The following ATP2C2 variants were observed in gnomAD, a reference collection of about 807,000 sequenced individuals.
ATP2C2 encodes the protein calcium-transporting ATPase type 2C member 2.
ATP2C2 carries 171 observed loss-of-function variants against 110.8 expected under a neutral mutation model. The ratio of observed to expected loss-of-function variants is 1.54; its 90% CI spans 1.36 to 1.75. The LOEUF is 1.75. Ranked by LOEUF, ATP2C2 falls within the 40% of genes most tolerant of loss-of-function variation. The pLI is 0.00. For missense variants in ATP2C2, 1,963 were observed against 1,235.0 expected (o/e 1.59, Z -8.84); for synonymous variants, 804 against 508.4 (o/e 1.58, Z -7.82).
At chr16:84,383,855 T>C (rs910423098) in intron 1 of ATP2C2, among the ~76,000 whole-genome samples, 2 of 137,684 alleles carry the variant, frequency 1.5e-5, no homozygotes, top group African/African-American at 2.7e-5. Context: ...AGTAGCGCAA[T>C]CTCGGCTCAC....
chr16:84,416,110 G>A (rs896455939), intron 7 of ATP2C2, among the ~76,000 whole-genome samples: 7 of 152,198 alleles, frequency 4.6e-5, no homozygotes, highest in African/African-American at 1.7e-4. Flanking sequence ...GGAGGCGGAG[G>A]TTGCAGTGAG....
At chr16:84,428,640 G>A (rs1038080678) in intron 11 of ATP2C2, among the ~76,000 whole-genome samples, 2 of 152,074 alleles carry the variant, frequency 1.3e-5, no homozygotes, top group Non-Finnish European at 2.9e-5. Flanking sequence ...ACAAATGACA[G>A]ACACTTGGAA....
chr16:84,439,497 T>C lies in ATP2C2; in HGVS notation c.1182T>C (p.Leu394=), dbSNP rs911675471. 2.2e-5 allele frequency: 36 copies of C among 1,614,072 alleles called. No homozygotes were observed. Among genetic ancestry groups the C allele is most frequent in the Non-Finnish European group, 3.0e-5 (35 of 1,180,038 alleles). ...LTANEMTVTQ[L]VTSDGLRAEV... ...CCAATGAAATGACAGTGACCCAGCT[T>C]GTAACGTCAGATGGGCTTCGTGCCG... is the stretch of plus-strand genomic sequence containing the variant. Residue 394 remains leucine, a synonymous_variant, in exon 13 of 27, where the codon CTT becomes CTC. Coordinates refer to ENST00000262429, the MANE Select transcript of ATP2C2 (RefSeq NM_014861.4).
rs1041439673 is a variant in ATP2C2, at chr16:84,415,505, C to A, written c.538C>A (p.His180Asn). ...CAGCCTAAGAGAAGGAAAACTCCAGCACCTGCTTGCTCGAGAACTGGTTCC... is the reference window on the plus strand; with the variant it reads ...CAGCCTAAGAGAAGGAAAACTCCAGAACCTGCTTGCTCGAGAACTGGTTCC... Reference protein sequence around the residue: ...CNCLREGKLQHLLARELVPGD... With the variant: ...CNCLREGKLQNLLARELVPGD... Residue 180 changes from histidine (H) to asparagine (N), a missense_variant, in exon 7 of 27, where the codon CAC (histidine) becomes AAC (asparagine). By Grantham distance (68) the His-to-Asn change is moderately conservative. Transcript: ENST00000262429. 1 of 1,614,158 alleles carries A rather than the reference C, an allele frequency of 6.2e-7. No homozygotes were observed. Among genetic ancestry groups the A allele is most frequent in the African/African-American group, 1.3e-5 (1 of 75,044 alleles).
At chr16:84,376,047 G>C (rs1050321427) in intron 1 of ATP2C2, among the ~76,000 whole-genome samples, 1 of 152,144 alleles carries the variant, frequency 6.6e-6, no homozygotes, top group Admixed American at 6.5e-5. Context: ...GGCGGTGTAT[G>C]AGCGGTGCCA....
chr16:84,400,673 C>G (rs1597765197), intron 2 of ATP2C2, among the ~76,000 whole-genome samples: 1 of 152,292 alleles, frequency 6.6e-6, no homozygotes, highest in East Asian at 1.9e-4. Flanking sequence ...ACCAGTCATA[C>G]TAATTTACAT....
At chr16:84,402,677 T>G (rs1905410889) in intron 2 of ATP2C2, among the ~76,000 whole-genome samples, 1 of 152,222 alleles carries the variant, frequency 6.6e-6, no homozygotes, top group Admixed American at 6.5e-5. Context: ...TTTAATGTGT[T>G]ATTGCATTCA....
At chr16:84,438,399 G>C (rs1908934404) in intron 11 of ATP2C2, among the ~76,000 whole-genome samples, 1 of 152,192 alleles carries the variant, frequency 6.6e-6, no homozygotes, top group Admixed American at 6.5e-5. Flanking sequence ...ATGTTGTGGA[G>C]TCTCAGCCAA....
intron 3 of ATP2C2, among the ~76,000 whole-genome samples, chr16:84,406,139 A>G (rs1905746346): frequency 6.6e-6 from 1 of 152,246 alleles, no homozygotes; most frequent in African/African-American, 2.4e-5. Flanking sequence ...AGCTGCACCC[A>G]GAGCCCCTTC....
chr16:84,399,993 C>G (rs4617849), intron 2 of ATP2C2, among the ~76,000 whole-genome samples: 1 of 151,554 alleles, frequency 6.6e-6, no homozygotes, highest in Non-Finnish European at 1.5e-5. Context: ...CACTAATCAG[C>G]GAGAACCTGC....
chr16:84,420,728 GTGGTCA>G (rs1216995102), intron 7 of ATP2C2, among the ~76,000 whole-genome samples: 1 of 152,050 alleles, frequency 6.6e-6, no homozygotes, highest in African/African-American at 2.4e-5. Context: ...CTGACATTTA[GTGGTCA>G]TGTCTCCTGA....
chr16:84,415,623 A>G (rs759470553), intron 7 of ATP2C2, 32 bp downstream of exon 7: 6 of 1,557,412 alleles, frequency 3.9e-6, no homozygotes, highest in Non-Finnish European at 5.3e-6. Flanking sequence ...TCAATGGGGT[A>G]TTTGATGGAG....
intron 1 of ATP2C2, among the ~76,000 whole-genome samples, chr16:84,372,037 G>A (rs1909984240): frequency 6.6e-6 from 1 of 152,238 alleles, no homozygotes; most frequent in Admixed American, 6.5e-5. Flanking sequence ...TGAGCTGGAT[G>A]AAGGGCAGGG....
rs374864731 is a variant in ATP2C2, at chr16:84,442,465, A to C, written c.1312-45A>C. ...CAGGCCCACAATGTCTAACTTTTTC[A>C]TGAGCCCAGTACTAACTACAGATGT... On this transcript the variant is annotated intron_variant, in intron 14 of 26. Coordinates refer to ENST00000262429, the MANE Select transcript of ATP2C2 (RefSeq NM_014861.4). 9.0e-5 allele frequency: 143 copies of C among 1,587,238 alleles called. No homozygotes were observed. The African/African-American group carries it at 1.8e-3, about 20-fold the overall frequency.
intron 1 of ATP2C2, among the ~76,000 whole-genome samples, chr16:84,396,254 A>T (rs8057866): frequency 0.27 from 40,277 of 151,702 alleles, 5,787 homozygotes; most frequent in African/African-American, 0.37. Flanking sequence ...GATGGGATTT[A>T]TGTGTTTCGA....
intron 7 of ATP2C2, among the ~76,000 whole-genome samples, chr16:84,416,865 G>T (rs1906880496): frequency 6.6e-6 from 1 of 152,164 alleles, no homozygotes; most frequent in Non-Finnish European, 1.5e-5. Context: ...CCGCCTACAA[G>T]GAGGACTGGG....
chr16:84,448,051 C>T (rs1024308280), intron 16 of ATP2C2, among the ~76,000 whole-genome samples: 1 of 151,998 alleles, frequency 6.6e-6, no homozygotes, highest in African/African-American at 2.4e-5. Flanking sequence ...TTTGTCATGA[C>T]AGAGCTTAAG....
intron 1 of ATP2C2, among the ~76,000 whole-genome samples, chr16:84,375,763 G>C (rs1392026445): frequency 6.6e-6 from 1 of 152,158 alleles, no homozygotes; most frequent in Non-Finnish European, 1.5e-5. Flanking sequence ...ATTTTGAGCA[G>C]TATTTTTATC....
chr16:84,440,989 G>A (rs1310580695), intron 14 of ATP2C2, 31 bp downstream of exon 14: 6 of 1,546,456 alleles, frequency 3.9e-6, no homozygotes, highest in Admixed American at 3.5e-5. Context: ...GAGGGAAATA[G>A]GCATTTACAT....
Sources: allele counts gnomAD v4.1 joint callset (sites outside exome capture counted in the v4.1 genomes callset), GRCh38; gene constraint gnomAD v4.1.1; transcripts MANE v1.5; gene names NCBI Gene and HGNC (gene_info 2026-07-23, HGNC 2026-07-21).